Variants in ACSM1 observed in about 807,000 individuals in gnomAD.
ACSM1 encodes acyl-coenzyme A synthetase ACSM1, mitochondrial.
ACSM1 carries 79 observed loss-of-function variants against 75.8 expected under a neutral mutation model. The observed-to-expected ratio is 1.04, with a 90% CI of 0.87 to 1.26. ACSM1 has a LOEUF of 1.26. ACSM1 is among the 50% of genes most tolerant of loss of function. The pLI is 0.00. For synonymous variants in ACSM1, 279 were observed against 265.8 expected, an observed-to-expected ratio of 1.05 and a Z score of -0.48; for missense variants, 676 against 720.1, an observed-to-expected ratio of 0.94 and a Z score of 0.70.
chr16:20,637,740 G>C (rs1168299182), intron 8 of ACSM1, among the ~76,000 whole-genome samples: 1 of 152,192 alleles, frequency 6.6e-6, no homozygotes, highest in African/African-American at 2.4e-5. Context: ...GTATTCCCCT[G>C]GCTGTGGGCA....
intron 7 of ACSM1, among the ~76,000 whole-genome samples, chr16:20,649,319 G>A (rs1225035393): frequency 1.3e-5 from 2 of 151,988 alleles, no homozygotes; most frequent in Non-Finnish European, 2.9e-5. Flanking sequence ...ATCTGACTCT[G>A]GCATACCATT....
intron 7 of ACSM1, among the ~76,000 whole-genome samples, chr16:20,658,157 G>C (rs2019086011): frequency 6.6e-6 from 1 of 152,130 alleles, no homozygotes; most frequent in Admixed American, 6.5e-5. Flanking sequence ...GGTATTTCTA[G>C]TTCTAGATCC....
chr16:20,636,669 A>G, intron 10 of ACSM1, 70 bp downstream of exon 10: 1 of 1,083,642 alleles, frequency 9.2e-7, no homozygotes, highest in South Asian at 1.3e-5. Flanking sequence ...GGACTTGAAG[A>G]AGCCTCAGGA....
chr16:20,694,930 C>A (rs1405783761), intron 1 of ACSM1, among the ~76,000 whole-genome samples: 2 of 152,086 alleles, frequency 1.3e-5, no homozygotes, highest in Non-Finnish European at 2.9e-5. Context: ...GGAAAAAGAC[C>A]TCAGAGAAAA....
intron 4 of ACSM1, among the ~76,000 whole-genome samples, chr16:20,672,507 T>A (rs1314416368): frequency 8.1e-6 from 1 of 123,770 alleles, no homozygotes; most frequent in Non-Finnish European, 1.6e-5. Context: ...AAAAACATAT[T>A]TATATATTAT....
intron 10 of ACSM1, among the ~76,000 whole-genome samples, chr16:20,633,412 C>T (rs1199189243): frequency 6.6e-6 from 1 of 152,096 alleles, no homozygotes. Flanking sequence ...GAAAGCAATT[C>T]TATTTACAAT....
In ACSM1 at chr16:20,638,157, T is replaced by C. The variant is rs138737792; in HGVS notation, c.1117-706A>G. On this transcript the variant is annotated intron_variant, in intron 8 of 13. Coordinates refer to ENST00000520010, the MANE Select transcript of ACSM1 (RefSeq NM_001318890.3). Reference sequence around the variant, plus strand: ...ATTCAGACCAATGAGGGTTTGACCCTTGACTCCACCACACACTAAATGCAT... The same window carrying C: ...ATTCAGACCAATGAGGGTTTGACCCCTGACTCCACCACACACTAAATGCAT... Among the ~76,000 whole-genome samples, 822 of 152,340 alleles carry C rather than the reference T, an allele frequency of 5.4e-3. 1 individual carries two copies. The highest frequency in any genetic ancestry group is 6.5e-3 in the Non-Finnish European group (444 of 68,028).
chr16:20,688,593 C>T lies in ACSM1; in HGVS notation c.192+2404G>A, dbSNP rs192103281. On this transcript the variant is annotated intron_variant, in intron 2 of 13. Coordinates refer to ENST00000520010, the MANE Select transcript of ACSM1 (RefSeq NM_001318890.3). ...TATCAGTGGATTTCTCAGTAGAAAC[C>T]TTGAGGCCAGAAAGAAGTGGATGAT... is the stretch of plus-strand genomic sequence containing the variant. Among the ~76,000 whole-genome samples the T allele has an allele frequency of 2.9e-3, 442 of 151,966 alleles. 3 individuals are homozygous for T. The highest frequency in any genetic ancestry group is 0.01 in the African/African-American group (420 of 41,500).
At chr16:20,681,604 G>A (rs1490713753) in intron 4 of ACSM1, 1 of 152,698 alleles carries the variant, frequency 6.5e-6, no homozygotes, top group Non-Finnish European at 1.5e-5. Context: ...CCGCACAGTT[G>A]ATGGCATTAA....
chr16:20,626,180 G>T (rs904642306), intron 11 of ACSM1, among the ~76,000 whole-genome samples: 1 of 152,012 alleles, frequency 6.6e-6, no homozygotes. Flanking sequence ...GAGGTCAGGA[G>T]TTCAAGACCA....
At chr16:20,689,209 A>T (rs1455338857) in intron 2 of ACSM1, among the ~76,000 whole-genome samples, 1 of 151,958 alleles carries the variant, frequency 6.6e-6, no homozygotes, top group African/African-American at 2.4e-5. Flanking sequence ...GTATGTGATT[A>T]AAATTAAGTT....
rs200725572 is a variant in ACSM1 at position 20,669,945 on chromosome 16, C to T, written c.794G>A (p.Cys265Tyr). The T allele has an allele frequency of 4.1e-4, 661 of 1,613,882 alleles. 2 individuals carry two copies. Among genetic ancestry groups the T allele is most frequent in the East Asian group, 2.9e-4 (13 of 44,860 alleles). The change falls in exon 6 of 14, where the codon TGC becomes TAC. Residue 265 changes from cysteine to tyrosine, a missense_variant. By Grantham distance (194) the Cys-to-Tyr change is radical. Coordinates refer to ENST00000520010, the MANE Select transcript of ACSM1 (RefSeq NM_001318890.3). ...CACAATCCATCCTGAGTCCGACAGG[C>T]ACCAGGAGACATCAGATGTCTTCAG... is the stretch of plus-strand genomic sequence containing the variant. ...RSLKTSDVSW[C>Y]LSDSGWIVAT...
intron 6 of ACSM1, 73 bp from the exon 7 acceptor site, chr16:20,661,946 A>C (rs1685691966): frequency 1.1e-6 from 1 of 944,338 alleles, no homozygotes; most frequent in African/African-American, 1.6e-5. Context: ...TTAGCAGTCT[A>C]GTTCTGACCT....
chr16:20,662,909 C>T (rs180938123), intron 6 of ACSM1, among the ~76,000 whole-genome samples: 185 of 152,302 alleles, frequency 1.2e-3, no homozygotes, highest in African/African-American at 4.1e-3. Flanking sequence ...GTGTCAGTAA[C>T]CTCACCCCAG....
At chr16:20,638,674 A>G (rs1001412307) in intron 8 of ACSM1, among the ~76,000 whole-genome samples, 6 of 152,214 alleles carry the variant, frequency 3.9e-5, no homozygotes, top group Admixed American at 2.0e-4. Flanking sequence ...GAGAAAGCAT[A>G]CATAATATCC....
intron 1 of ACSM1, among the ~76,000 whole-genome samples, 155 bp downstream of exon 1, chr16:20,697,481 A>C (rs576967393): frequency 4.0e-5 from 6 of 151,764 alleles, no homozygotes; most frequent in African/African-American, 1.5e-4. Flanking sequence ...CTCTAAAATG[A>C]AGTGCCAAGA....
chr16:20,624,601 G>T (rs2016799145), intron 12 of ACSM1, among the ~76,000 whole-genome samples: 1 of 152,150 alleles, frequency 6.6e-6, no homozygotes, highest in Non-Finnish European at 1.5e-5. Flanking sequence ...GAAACCCAAT[G>T]GGCATTCCAT....
At chr16:20,658,317 G>T (rs1293992551) in intron 7 of ACSM1, among the ~76,000 whole-genome samples, 5 of 152,146 alleles carry the variant, frequency 3.3e-5, no homozygotes, top group South Asian at 2.1e-4. Context: ...GTGTGAGATG[G>T]TATTTCATTG....
At chr16:20,623,696 A>C in intron 13 of ACSM1, 124 bp from the exon 14 acceptor site, 1 of 966,176 alleles carries the variant, frequency 1.0e-6, no homozygotes, top group Non-Finnish European at 1.6e-6. Context: ...GGTGGCCTTA[A>C]TGGAGTCCCC....
Sources: gnomAD v4.1 joint callset for allele counts (sites outside exome capture counted in the v4.1 genomes callset) on GRCh38, gnomAD v4.1.1 for gene constraint, MANE v1.5 for transcripts, NCBI Gene and HGNC (gene_info 2026-07-23, HGNC 2026-07-21) for gene names.